GLP2R: variants seen among roughly 807,000 people sequenced by gnomAD.
GLP2R encodes the protein glucagon-like peptide 2 receptor.
GLP2R carries 59 observed loss-of-function variants against 68.2 expected under a neutral mutation model. The ratio of observed to expected loss-of-function variants is 0.87; its 90% CI spans 0.70 to 1.07. The LOEUF (loss-of-function observed/expected upper bound fraction) is 1.07. GLP2R is among the 50% of genes least tolerant of loss of function. GLP2R has a pLI of 0.00. For missense variants in GLP2R, 548 were observed against 677.4 expected, an observed-to-expected ratio of 0.81 and a Z score of 2.12; for synonymous variants, 270 against 265.4, an observed-to-expected ratio of 1.02 and a Z score of -0.17.
chr17:9,844,047 C>T (rs1403879766), intron 4 of GLP2R, among the ~76,000 whole-genome samples: 1 of 152,120 alleles, frequency 6.6e-6, no homozygotes, highest in Non-Finnish European at 1.5e-5. Flanking sequence ...AAGCCTAGCC[C>T]TGCAGGGTGA....
intron 1 of GLP2R, among the ~76,000 whole-genome samples, chr17:9,828,844 A>G (rs1203487331): frequency 6.6e-6 from 1 of 152,126 alleles, no homozygotes; most frequent in Non-Finnish European, 1.5e-5. Flanking sequence ...AATCAATAAC[A>G]TGTCTGCTGG....
chr17:9,842,965 T>A (rs896220834), intron 4 of GLP2R, among the ~76,000 whole-genome samples: 2 of 152,198 alleles, frequency 1.3e-5, no homozygotes, highest in Admixed American at 6.5e-5. Context: ...AAGAGAGATC[T>A]TCCAGGGTCA....
At chr17:9,853,238 T>C in intron 4 of GLP2R, 1 of 307,902 alleles carries the variant, frequency 3.2e-6, no homozygotes, top group Non-Finnish European at 6.2e-6. Context: ...TTTGTCGGCC[T>C]TTAGTTCACA....
At chr17:9,849,719 T>G (rs1284053765) in intron 4 of GLP2R, among the ~76,000 whole-genome samples, 1 of 150,576 alleles carries the variant, frequency 6.6e-6, no homozygotes, top group Non-Finnish European at 1.5e-5. Context: ...TTCACGCCAT[T>G]CTCCTGCCTC....
At chr17:9,863,026 G>A (rs1013324539) in intron 9 of GLP2R, among the ~76,000 whole-genome samples, 2 of 152,180 alleles carry the variant, frequency 1.3e-5, no homozygotes, top group Non-Finnish European at 2.9e-5. Flanking sequence ...GAAGTGGTGG[G>A]AAAACCGAGA....
In GLP2R at chr17:9,826,036, C is replaced by G; in HGVS notation, c.-28C>G. ...CATCTTGGACGGCTAGAGAGATGTA[C>G]CCCTACTTGTGAAGGTGCACGAGGA... On this transcript the variant is annotated 5_prime_UTR_variant, in exon 1 of 13. An upstream open reading frame in the 5' UTR gains an earlier in-frame stop. Coordinates refer to ENST00000262441, the MANE Select transcript of GLP2R (RefSeq NM_004246.3). 8 of 1,594,026 alleles carry G rather than the reference C, an allele frequency of 5.0e-6. No homozygotes were observed. Among genetic ancestry groups the G allele is most frequent in the Middle Eastern group, 2.0e-4 (1 of 4,928 alleles).
intron 2 of GLP2R, among the ~76,000 whole-genome samples, chr17:9,835,553 G>A (rs1473391288): frequency 6.6e-6 from 1 of 152,176 alleles, no homozygotes; most frequent in Non-Finnish European, 1.5e-5. Context: ...TATAGTACTT[G>A]TGTTGGTTAT....
At chr17:9,848,119 A>G (rs2066858281) in intron 4 of GLP2R, among the ~76,000 whole-genome samples, 1 of 152,212 alleles carries the variant, frequency 6.6e-6, no homozygotes, top group South Asian at 2.1e-4. Context: ...ACTGTGTGAG[A>G]TATCACACCT....
intron 10 of GLP2R, among the ~76,000 whole-genome samples, chr17:9,873,669 G>T (rs1017911099): frequency 6.1e-5 from 9 of 147,934 alleles, no homozygotes; most frequent in Admixed American, 2.8e-4. Flanking sequence ...AAGCCAAAAG[G>T]TTGGATACCC....
At position 9,880,517 on chromosome 17, in the gene GLP2R, G is replaced by T. The variant is rs1205373643; in HGVS notation, c.1284+1G>T. ...TCAGTTGACACTGAGCTCCTTTCAT[G>T]TAAGTAGAAATCTGAACCAAAATGC... is the stretch of plus-strand genomic sequence containing the variant. On this transcript the variant is annotated splice_donor_variant, in intron 11 of 12. Coordinates refer to ENST00000262441, the MANE Select transcript of GLP2R (RefSeq NM_004246.3). LOFTEE classifies it high-confidence loss of function. 6.3e-7 allele frequency: 1 copy of T among 1,583,976 alleles called. No individual in the cohort carries two copies. The highest frequency in any genetic ancestry group is 1.2e-5 in the South Asian group (1 of 85,784).
chr17:9,838,196 C>T (rs1597378247), intron 3 of GLP2R, among the ~76,000 whole-genome samples: 1 of 152,282 alleles, frequency 6.6e-6, no homozygotes, highest in African/African-American at 2.4e-5. Flanking sequence ...GGTGTGGAGT[C>T]AGGAGCCCCG....
intron 6 of GLP2R, 77 bp from the exon 7 acceptor site, chr17:9,859,865 G>A (rs930199270): frequency 3.4e-6 from 3 of 889,306 alleles, no homozygotes; most frequent in Non-Finnish European, 3.2e-6. Flanking sequence ...GGTTGTCTCT[G>A]GGAGGCCCTT....
Position 9,862,015 on chromosome 17 carries a change from C to G in GLP2R, c.987-6C>G, listed in dbSNP as rs376142802. The G allele has an allele frequency of 7.8e-5, 126 of 1,607,172 alleles. No homozygotes were observed. The highest frequency in any genetic ancestry group is 1.7e-4 in the Admixed American group (10 of 59,984). The stretch of plus-strand genomic sequence containing the variant: ...TTCTACTGCCTGCTTCTACTGTTGA[C>G]CTTAGGTGCTGGACAACAAATGGGA... On this transcript the variant is annotated splice_polypyrimidine_tract_variant and splice_region_variant and intron_variant, in intron 8 of 12. Coordinates refer to ENST00000262441, the MANE Select transcript of GLP2R (RefSeq NM_004246.3).
At chr17:9,887,819 C>T (rs139467877) in intron 11 of GLP2R, 113 bp from the exon 12 acceptor site, 65 of 790,208 alleles carry the variant, frequency 8.2e-5, no homozygotes, top group Middle Eastern at 2.3e-4. Flanking sequence ...TGCAGTTGCA[C>T]GCCTCTTCTG....
chr17:9,847,515 G>T (rs948625316), intron 4 of GLP2R, among the ~76,000 whole-genome samples: 2 of 152,000 alleles, frequency 1.3e-5, no homozygotes, highest in Non-Finnish European at 1.5e-5. Flanking sequence ...TGATCTGTCC[G>T]CCTCAGCCTC....
At chr17:9,876,067 G>A (rs2067139864) in intron 10 of GLP2R, among the ~76,000 whole-genome samples, 1 of 152,084 alleles carries the variant, frequency 6.6e-6, no homozygotes, top group East Asian at 1.9e-4. Flanking sequence ...AGTAGAGACG[G>A]AGTTTCTCCA....
chr17:9,830,966 T>G (rs910366109), intron 1 of GLP2R, among the ~76,000 whole-genome samples: 11 of 152,254 alleles, frequency 7.2e-5, no homozygotes, highest in African/African-American at 2.4e-4. Flanking sequence ...TGTTTGGACT[T>G]ACTTACTTAA....
chr17:9,879,087 T>C (rs1008565453), intron 10 of GLP2R, among the ~76,000 whole-genome samples: 5 of 151,842 alleles, frequency 3.3e-5, no homozygotes, highest in African/African-American at 1.2e-4. Flanking sequence ...TCCAAACCTG[T>C]ATACTTCTCA....
intron 8 of GLP2R, 131 bp from the exon 9 acceptor site, chr17:9,861,890 C>A: frequency 1.4e-6 from 1 of 722,890 alleles, no homozygotes; most frequent in Non-Finnish European, 2.5e-6. Context: ...CTCTCCCACC[C>A]CTCAGGGGAC....
Sources: gnomAD v4.1 joint callset for allele counts (sites outside exome capture counted in the v4.1 genomes callset) on GRCh38, gnomAD v4.1.1 for gene constraint, MANE v1.5 for transcripts, NCBI Gene and HGNC (gene_info 2026-07-23, HGNC 2026-07-21) for gene names.